Variants in ARHGEF18 observed in about 807,000 individuals in gnomAD.
ARHGEF18 encodes the protein rho guanine nucleotide exchange factor 18.
ARHGEF18 carries 93 observed loss-of-function variants against 155.7 expected under a neutral mutation model. That is an observed-to-expected ratio of 0.60 (90% CI 0.50 to 0.71). ARHGEF18 has a LOEUF of 0.71. ARHGEF18 is among the 30% of genes least tolerant of loss of function. ARHGEF18 has a pLI of 0.00. For missense variants in ARHGEF18, 1,593 were observed against 1,816.1 expected (o/e 0.88, Z 2.23); for synonymous variants, 742 against 753.1 (o/e 0.99, Z 0.24).
intron 10 of ARHGEF18, among the ~76,000 whole-genome samples, chr19:7,411,135 G>A (rs1445033076): frequency 1.3e-5 from 2 of 151,900 alleles, no homozygotes; most frequent in East Asian, 3.9e-4. Context: ...GGCAGCGCAG[G>A]GCCTCTCCAC....
At chr19:7,479,380 A>G in the ARHGEF18 span, among the ~76,000 whole-genome samples, 1 of 152,154 alleles carries the variant, frequency 6.6e-6, no homozygotes, top group Non-Finnish European at 1.5e-5. Context: ...GGTACTCGGG[A>G]GGCTGAGGCA....
At chr19:7,473,428 C>T (rs138733805), downstream of ARHGEF18, 7,344 of 390,454 alleles carry the variant, frequency 0.019, 105 homozygotes, top group Middle Eastern at 0.04. Context: ...TTTGGGGAGG[C>T]GGGGGCTGAG....
At chr19:7,474,464 C>T (rs1038364688), downstream of ARHGEF18, among the ~76,000 whole-genome samples, 14 of 152,108 alleles carry the variant, frequency 9.2e-5, no homozygotes, top group East Asian at 9.7e-4. Context: ...CTGCAACCGC[C>T]GCCTCCCAGG....
chr19:7,420,920 A>G (rs1973316981), intron 10 of ARHGEF18, among the ~76,000 whole-genome samples: 1 of 152,088 alleles, frequency 6.6e-6, no homozygotes, highest in African/African-American at 2.4e-5. Flanking sequence ...GCTCTGTTCA[A>G]AACTGTTTTT....
At chr19:7,378,749 G>C (rs553947969) in intron 6 of ARHGEF18, among the ~76,000 whole-genome samples, 59 of 135,220 alleles carry the variant, frequency 4.4e-4, no homozygotes, top group African/African-American at 1.6e-3. Context: ...CTGGAGTACA[G>C]TGGCGTGATC....
At chr19:7,350,160 G>A (rs183526329) in intron 1 of ARHGEF18, among the ~76,000 whole-genome samples, 21 of 152,280 alleles carry the variant, frequency 1.4e-4, no homozygotes, top group East Asian at 9.7e-4. Flanking sequence ...GAAGGCTGCG[G>A]TTTCTGCTGG....
At position 7,460,695 on chromosome 19, in the gene ARHGEF18, G is replaced by A. The variant is rs142451804; in HGVS notation, c.2452+701G>A. On this transcript the variant is annotated intron_variant, in intron 20 of 28. Coordinates refer to ENST00000668164, the MANE Select transcript of ARHGEF18 (RefSeq NM_001367823.1). ...AGGTGTGGTATTAAGGTTCGCCCGCGCTCAGTGAGCACTTTGTCAAGAACA... is the reference window on the plus strand; with the variant it reads ...AGGTGTGGTATTAAGGTTCGCCCGCACTCAGTGAGCACTTTGTCAAGAACA... 2.3e-3 allele frequency among the ~76,000 whole-genome samples: 350 copies of A among 152,240 alleles called. 2 individuals carry two copies. Among genetic ancestry groups the A allele is most frequent in the African/African-American group, 7.6e-3 (314 of 41,548 alleles).
chr19:7,453,511 A>C lies in ARHGEF18; in HGVS notation c.1900A>C (p.Ile634Leu). The change falls in exon 17 of 29, where the codon ATC becomes CTC. Residue 634 changes from isoleucine (I) to leucine (L), a missense_variant. By Grantham distance (5) the Ile-to-Leu change is conservative. Coordinates refer to ENST00000668164, the MANE Select transcript of ARHGEF18 (RefSeq NM_001367823.1). ...AGACCTGACCCAGGCCTTGAACCTCATCAAAGATATCATCTCACAAGTGGA... is the reference window on the plus strand; with the variant it reads ...AGACCTGACCCAGGCCTTGAACCTCCTCAAAGATATCATCTCACAAGTGGA... Reference protein sequence around the residue: ...YEDLTQALNLIKDIISQVDAK... With the variant: ...YEDLTQALNLLKDIISQVDAK... 2 of 1,613,794 alleles carry C rather than the reference A, an allele frequency of 1.2e-6. No individual in the cohort carries two copies. Among genetic ancestry groups the C allele is most frequent in the South Asian group, 2.2e-5 (2 of 91,062 alleles).
intron 2 of ARHGEF18, among the ~76,000 whole-genome samples, chr19:7,368,913 G>C (rs1388363739): frequency 6.6e-6 from 1 of 150,430 alleles, no homozygotes. Flanking sequence ...AAAAGGCAGA[G>C]GGAGGAAGAG....
At chr19:7,427,473 T>A (rs958030286) in intron 10 of ARHGEF18, among the ~76,000 whole-genome samples, 2 of 151,380 alleles carry the variant, frequency 1.3e-5, no homozygotes, top group African/African-American at 4.9e-5. Context: ...AGCAAGACCG[T>A]GTCTCTACAG....
chr19:7,401,923 T>C (rs1972036536), intron 10 of ARHGEF18, among the ~76,000 whole-genome samples: 1 of 152,154 alleles, frequency 6.6e-6, no homozygotes, highest in African/African-American at 2.4e-5. Context: ...GATACAGAGA[T>C]GGACCTGGAA....
chr19:7,458,747 C>T (rs1259812583), intron 19 of ARHGEF18, 57 bp downstream of exon 19: 8 of 1,537,082 alleles, frequency 5.2e-6, no homozygotes, highest in African/African-American at 1.4e-5. Flanking sequence ...GATTGGTCCA[C>T]CCTTGGCTTC....
At chr19:7,479,527 C>T in the ARHGEF18 span, among the ~76,000 whole-genome samples, 1 of 152,180 alleles carries the variant, frequency 6.6e-6, no homozygotes, top group Admixed American at 6.5e-5. Context: ...CAGGCATCTC[C>T]ATTTAGCAAC....
rs57703407 is a variant in ARHGEF18, at chr19:7,373,849, A to ATTTT, written c.275+794_275+797dup. ...CAATACAGTTCCCGCTCCTATGAGA[A>ATTTT]TTTTTTTTTTTTTTTTTTTGAGACA... On this transcript the variant is annotated intron_variant, in intron 3 of 28. Transcript: ENST00000668164. Among the ~76,000 whole-genome samples the ATTTT allele has an allele frequency of 8.6e-4, 105 of 122,014 alleles. 2 individuals are homozygous for ATTTT. Among genetic ancestry groups the ATTTT allele is most frequent in the African/African-American group, 2.0e-3 (59 of 29,964 alleles). The allele number at this position is 122,014 out of a possible 152,430, so 80.0% of individuals were successfully genotyped here. A position where few individuals can be genotyped will look rare whatever the true frequency, so the allele number is the denominator to read the frequency against.
chr19:7,387,478 G>T (rs1971150691), intron 10 of ARHGEF18, among the ~76,000 whole-genome samples: 1 of 151,890 alleles, frequency 6.6e-6, no homozygotes, highest in Non-Finnish European at 1.5e-5. Flanking sequence ...GAGTTTTTTT[G>T]TTTGTTTGCA....
chr19:7,462,675 CTCT>C lies in ARHGEF18; in HGVS notation c.2635+347_2635+349del, dbSNP rs1976351338. ...CTGGTTCCCTACCTACCAGAGGTTC[CTCT>C]TCTTCCTGGGAGGTGGGTCCTGGTG... On this transcript the variant is annotated intron_variant, in intron 21 of 28. Transcript: ENST00000668164. The surrounding 1 kb of genome is among the most constrained non-coding windows in gnomAD (Gnocchi z 4.4). 6.6e-6 allele frequency among the ~76,000 whole-genome samples: 1 copy of C among 152,104 alleles called. No individual in the cohort carries two copies. The highest frequency in any genetic ancestry group is 1.5e-5 in the Non-Finnish European group (1 of 68,016).
chr19:7,388,981 C>T (rs538710974), intron 10 of ARHGEF18, among the ~76,000 whole-genome samples: 1 of 151,828 alleles, frequency 6.6e-6, no homozygotes, highest in Admixed American at 6.6e-5. Flanking sequence ...CCAGCTTCTC[C>T]TCATGTTATT....
chr19:7,362,016 GGA>G (rs1568264357), intron 1 of ARHGEF18, among the ~76,000 whole-genome samples: 3 of 37,280 alleles, frequency 8.0e-5, no homozygotes. Context: ...AGAAGAAGAA[GGA>G]GAAGGAGAAG....
At chr19:7,385,673 A>G (rs1970973358) in intron 10 of ARHGEF18, among the ~76,000 whole-genome samples, 1 of 151,620 alleles carries the variant, frequency 6.6e-6, no homozygotes, top group Non-Finnish European at 1.5e-5. Flanking sequence ...ACAGGGTTTC[A>G]CCATGTTGGC....
Sources: allele counts gnomAD v4.1 joint callset (sites outside exome capture counted in the v4.1 genomes callset), GRCh38; gene constraint gnomAD v4.1.1; non-coding constraint Gnocchi (gnomAD v3.1); transcripts MANE v1.5; gene names NCBI Gene and HGNC (gene_info 2026-07-23, HGNC 2026-07-21).